RYR2: variants seen among roughly 807,000 people sequenced by gnomAD.
RYR2 encodes cardiac muscle ryanodine receptor-calcium release channel.
Under a neutral mutation model 601.1 loss-of-function variants are expected in RYR2, and 227 were observed. That is an observed-to-expected ratio of 0.38 (90% CI 0.34 to 0.42). The LOEUF (loss-of-function observed/expected upper bound fraction) is 0.42, where lower values mean the gene tolerates loss of function less well. RYR2 is among the 10% of genes least tolerant of loss of function. RYR2 has a pLI of 1.00. For missense variants in RYR2, 4,646 were observed against 6,156.5 expected, an observed-to-expected ratio of 0.75 and a Z score of 8.21; for synonymous variants, 2,223 against 2,175.1, an observed-to-expected ratio of 1.02 and a Z score of -0.61.
chr1:237,793,953 A>T lies in RYR2; in HGVS notation c.13869A>T (p.Glu4623Asp). Residue 4623 changes from glutamate to aspartate, a missense_variant, in exon 95 of 105, where the codon GAA (glutamate) becomes GAT (aspartate). Glu to Asp is a conservative substitution (Grantham distance 45). This residue lies in a region of RYR2 where 37 missense variants were observed against 102.8 expected (regional missense o/e 0.36). Transcript: ENST00000366574. ...TTTATATTACAGAACAGCCTTCAGA[A>T]GATGATATTAAAGGCCAGTGGGATA... ...DGLYITEQPS[E>D]DDIKGQWDRL... 1 of 1,612,146 alleles carries T rather than the reference A, an allele frequency of 6.2e-7. No homozygotes were observed. Among genetic ancestry groups the T allele is most frequent in the Non-Finnish European group, 8.5e-7 (1 of 1,178,318 alleles).
At chr1:237,329,214 G>T (rs1696470288) in intron 2 of RYR2, among the ~76,000 whole-genome samples, 1 of 151,854 alleles carries the variant, frequency 6.6e-6, no homozygotes, top group Non-Finnish European at 1.5e-5. Flanking sequence ...ACAGGGTCTT[G>T]CTCTGTCACT....
chr1:237,751,062 T>G (rs1237740997), intron 80 of RYR2, among the ~76,000 whole-genome samples: 2 of 152,210 alleles, frequency 1.3e-5, no homozygotes, highest in Non-Finnish European at 2.9e-5. Context: ...TGATCCAATC[T>G]ATGATCAAAG....
chr1:237,488,007 G>A (rs770128117), intron 17 of RYR2, among the ~76,000 whole-genome samples: 4 of 152,022 alleles, frequency 2.6e-5, no homozygotes, highest in South Asian at 2.1e-4. Flanking sequence ...GAGAAAAATC[G>A]GGGATTTGTT....
At chr1:237,402,838 GC>G (rs1703485053) in intron 10 of RYR2, among the ~76,000 whole-genome samples, 1 of 152,194 alleles carries the variant, frequency 6.6e-6, no homozygotes, top group Non-Finnish European at 1.5e-5. Flanking sequence ...CTGGAGTACA[GC>G]GGTGAAATCA....
At chr1:237,807,296 G>T (rs990227233) in intron 99 of RYR2, among the ~76,000 whole-genome samples, 1 of 152,140 alleles carries the variant, frequency 6.6e-6, no homozygotes, top group Non-Finnish European at 1.5e-5. Flanking sequence ...AAAAGGTCCG[G>T]CACTACTTTC....
intron 58 of RYR2, among the ~76,000 whole-genome samples, chr1:237,668,416 T>G (rs1423468277): frequency 6.6e-6 from 1 of 152,260 alleles, no homozygotes; most frequent in Non-Finnish European, 1.5e-5. Context: ...TCTTAGTTAT[T>G]TCTCAAGTCT....
intron 8 of RYR2, among the ~76,000 whole-genome samples, chr1:237,383,417 G>GTTTTTTTTTTTTTTTTTTTTTTTT (rs10567644): frequency 4.0e-5 from 2 of 50,580 alleles, no homozygotes; most frequent in African/African-American, 7.4e-5. Context: ...CTTTTTTCTT[G>GTTTTTTTTTTTTTTTTTTTTTTTT]TTTTTTTTTT....
At chr1:237,760,831 T>TAATGAA in intron 83 of RYR2, 124 bp from the exon 84 acceptor site, 6 of 677,684 alleles carry the variant, frequency 8.9e-6, no homozygotes, top group Non-Finnish European at 1.3e-5. Context: ...TGGAGACATG[T>TAATGAA]TTTCAGTGTA....
chr1:237,050,786 A>G (rs944082343), intron 1 of RYR2, among the ~76,000 whole-genome samples: 2 of 152,262 alleles, frequency 1.3e-5, no homozygotes, highest in African/African-American at 4.8e-5. Context: ...GGATATTGTT[A>G]AAATGAAGCC....
intron 80 of RYR2, among the ~76,000 whole-genome samples, chr1:237,751,911 A>G (rs188835159): frequency 1.4e-4 from 22 of 152,354 alleles, no homozygotes; most frequent in Non-Finnish European, 2.4e-4. Context: ...GTATATGTAT[A>G]ATTCTGAAGA....
chr1:237,367,511 A>G, intron 5 of RYR2, among the ~76,000 whole-genome samples: 1 of 152,360 alleles, frequency 6.6e-6, no homozygotes, highest in South Asian at 2.1e-4. Flanking sequence ...AACTATATGG[A>G]ACAACAAGAA....
chr1:237,074,645 G>C (rs1664781325), intron 1 of RYR2, among the ~76,000 whole-genome samples: 1 of 152,220 alleles, frequency 6.6e-6, no homozygotes, highest in Non-Finnish European at 1.5e-5. Flanking sequence ...CGGGTAGAAT[G>C]TGTGTTCCAG....
intron 10 of RYR2, among the ~76,000 whole-genome samples, chr1:237,409,418 A>G (rs761517845): frequency 2.0e-5 from 3 of 152,118 alleles, no homozygotes; most frequent in Non-Finnish European, 4.4e-5. Context: ...TGATATGATC[A>G]ATGATTTTTT....
intron 1 of RYR2, among the ~76,000 whole-genome samples, chr1:237,167,217 T>A (rs1676805629): frequency 6.6e-6 from 1 of 152,220 alleles, no homozygotes; most frequent in African/African-American, 2.4e-5. Context: ...TTCCAGGGGT[T>A]GATTCTCATT....
chr1:237,808,534 C>CA (rs1234383136), intron 99 of RYR2, among the ~76,000 whole-genome samples: 4 of 151,848 alleles, frequency 2.6e-5, no homozygotes, highest in Non-Finnish European at 4.4e-5. Flanking sequence ...GTGGCGCATG[C>CA]CTATAATCCC....
chr1:237,762,641 G>A (rs993710447), intron 84 of RYR2, among the ~76,000 whole-genome samples: 1 of 152,106 alleles, frequency 6.6e-6, no homozygotes, highest in East Asian at 1.9e-4. Context: ...TAACATTTTC[G>A]AGTCCCAAGT....
At chr1:237,606,389 C>T (rs1307624297) in intron 35 of RYR2, among the ~76,000 whole-genome samples, 1 of 152,176 alleles carries the variant, frequency 6.6e-6, no homozygotes, top group East Asian at 1.9e-4. Flanking sequence ...AACTGGATCC[C>T]TTCCTTACAC....
intron 1 of RYR2, among the ~76,000 whole-genome samples, chr1:237,205,694 AAGTG>A (rs1681730032): frequency 6.6e-6 from 1 of 152,194 alleles, no homozygotes; most frequent in Non-Finnish European, 1.5e-5. Flanking sequence ...AGGAGTTAAA[AAGTG>A]AGAGCCCAAA....
intron 2 of RYR2, among the ~76,000 whole-genome samples, chr1:237,292,808 G>A (rs954378384): frequency 5.3e-5 from 8 of 152,078 alleles, no homozygotes; most frequent in African/African-American, 1.9e-4. Flanking sequence ...TAGGAATGTT[G>A]GAGAAGAGAA....
Sources: allele counts gnomAD v4.1 joint callset (sites outside exome capture counted in the v4.1 genomes callset), GRCh38; gene constraint gnomAD v4.1.1; regional missense constraint gnomAD v4.1.1; transcripts MANE v1.5; gene names NCBI Gene and HGNC (gene_info 2026-07-23, HGNC 2026-07-21).